The following RBM20 variants were observed in gnomAD, a reference collection of about 807,000 sequenced individuals.
The protein encoded by RBM20 is RNA binding motif protein 20.
In RBM20, 51 loss-of-function variants were observed where a neutral mutation model predicts 110.1. That is an observed-to-expected ratio of 0.46 (90% confidence interval 0.37 to 0.59). RBM20 has a LOEUF of 0.59. Ranked by LOEUF, RBM20 falls within the 20% of genes least tolerant of loss-of-function variation. The pLI is 0.00. For synonymous variants in RBM20, 589 were observed against 618.2 expected, an observed-to-expected ratio of 0.95 and a Z score of 0.70; for missense variants, 1,512 against 1,574.9, an observed-to-expected ratio of 0.96 and a Z score of 0.68.
At chr10:110,712,577 G>A (rs1862950579) in intron 1 of RBM20, among the ~76,000 whole-genome samples, 1 of 152,146 alleles carries the variant, frequency 6.6e-6, no homozygotes, top group South Asian at 2.1e-4. Context: ...GACCAGCCTG[G>A]CCAAAATGGT....
chr10:110,645,946 T>G (rs1296917503), intron 1 of RBM20, among the ~76,000 whole-genome samples: 1 of 152,266 alleles, frequency 6.6e-6, no homozygotes, highest in Admixed American at 6.5e-5. Context: ...CAGCCAATAC[T>G]AAATATGATT....
At chr10:110,726,780 A>C (rs1452263022) in intron 1 of RBM20, among the ~76,000 whole-genome samples, 6 of 152,216 alleles carry the variant, frequency 3.9e-5, no homozygotes, top group African/African-American at 1.4e-4. Flanking sequence ...TATTGCAGGA[A>C]AAAGATACAA....
rs961694613 is a variant in RBM20, at chr10:110,836,093, A to G, written c.*115A>G. 5.3e-6 allele frequency: 3 copies of G among 569,918 alleles called. No individual in the cohort carries two copies. In the African/African-American group the frequency reaches 5.7e-5, roughly 11 times the overall value. 35.3% of individuals were successfully genotyped at this position (569,918 alleles called of 1,614,324 possible). ...TAAAGCCTGAGAGGAAGGAAAACCA[A>G]GCAGGGCACATTGCTTGGGCTTGTT... is the stretch of plus-strand genomic sequence containing the variant. On this transcript the variant is annotated 3_prime_UTR_variant, in exon 14 of 14. Transcript: ENST00000369519.
chr10:110,816,373 A>G (rs1220824034), intron 9 of RBM20, among the ~76,000 whole-genome samples: 18 of 67,136 alleles, frequency 2.7e-4, no homozygotes, highest in African/African-American at 1.2e-3. Flanking sequence ...CCTCCCCACC[A>G]CTGCATACCA....
At chr10:110,804,441 CT>C (rs1844670376) in intron 7 of RBM20, among the ~76,000 whole-genome samples, 1 of 152,216 alleles carries the variant, frequency 6.6e-6, no homozygotes, top group Admixed American at 6.5e-5. Flanking sequence ...ATTCTGATTG[CT>C]CTTTCTCCTC....
intron 1 of RBM20, among the ~76,000 whole-genome samples, chr10:110,657,228 G>C (rs1590598903): frequency 6.6e-6 from 1 of 151,740 alleles, no homozygotes; most frequent in African/African-American, 2.4e-5. Flanking sequence ...TGTTAGCCAG[G>C]ATCATCTCGA....
rs138345374 is a variant in RBM20, at chr10:110,724,046, C to T, written c.192-56755C>T. Among the ~76,000 whole-genome samples the T allele has an allele frequency of 3.7e-3, 564 of 152,288 alleles. 2 individuals carry two copies. The highest frequency in any genetic ancestry group is 6.0e-3 in the Non-Finnish European group (408 of 68,016). ...CAGAAACTGAGGCTCAGAAAGGTTA[C>T]ATTACTAGCCAAAAGTTACCGGGTA... On this transcript the variant is annotated intron_variant, in intron 1 of 13. Coordinates refer to ENST00000369519, the MANE Select transcript of RBM20 (RefSeq NM_001134363.3).
chr10:110,689,149 C>T (rs73355054), intron 1 of RBM20, among the ~76,000 whole-genome samples: 33,749 of 152,110 alleles, frequency 0.22, 3,903 homozygotes, highest in East Asian at 0.33. Context: ...TCTTGAAAAC[C>T]ATCACCTGAT....
intron 1 of RBM20, among the ~76,000 whole-genome samples, chr10:110,732,803 A>G (rs1843632863): frequency 6.6e-6 from 1 of 152,112 alleles, no homozygotes; most frequent in Non-Finnish European, 1.5e-5. Flanking sequence ...ACCTCACTGG[A>G]AATCATTGAC....
intron 1 of RBM20, among the ~76,000 whole-genome samples, chr10:110,721,420 C>T (rs1374074429): frequency 6.6e-6 from 1 of 152,154 alleles, no homozygotes; most frequent in Non-Finnish European, 1.5e-5. Flanking sequence ...TCGGAGTGGG[C>T]AGTGTGAACA....
intron 1 of RBM20, among the ~76,000 whole-genome samples, chr10:110,736,527 A>C (rs758402382): frequency 4.6e-5 from 7 of 152,116 alleles, no homozygotes; most frequent in Non-Finnish European, 1.0e-4. Context: ...ATTTACCTTC[A>C]TCTTAAAAAA....
At chr10:110,761,032 G>A (rs1302497143) in intron 1 of RBM20, 1 of 148,332 alleles carries the variant, frequency 6.7e-6, no homozygotes, top group East Asian at 2.0e-4. Context: ...GGAAGGTGGA[G>A]GTTGCAGTAA....
At position 110,685,515 on chromosome 10, in the gene RBM20, G is replaced by A. The variant is rs1018181484; in HGVS notation, c.191+40870G>A. 1.3e-5 allele frequency among the ~76,000 whole-genome samples: 2 copies of A among 152,162 alleles called. 1 individual carries two copies. The highest frequency in any genetic ancestry group is 4.1e-4 in the South Asian group (2 of 4,832). On this transcript the variant is annotated intron_variant, in intron 1 of 13. Coordinates refer to ENST00000369519, the MANE Select transcript of RBM20 (RefSeq NM_001134363.3). ...CTAGATAGGAAGGAGACGATGGAAT[G>A]TATTTTTCTTTGCTATTTTGGTTAG...
intron 6 of RBM20, among the ~76,000 whole-genome samples, chr10:110,798,642 C>T (rs187432583): frequency 2.0e-4 from 31 of 152,288 alleles, no homozygotes; most frequent in South Asian, 8.3e-4. Flanking sequence ...ACTTCTTAGT[C>T]GCCCACGCTA....
chr10:110,672,347 A>C (rs1862273946), intron 1 of RBM20, among the ~76,000 whole-genome samples: 1 of 144,374 alleles, frequency 6.9e-6, no homozygotes, highest in Non-Finnish European at 1.5e-5. Flanking sequence ...CGAATAATTC[A>C]ACCCTCGTGT....
intron 1 of RBM20, among the ~76,000 whole-genome samples, chr10:110,711,223 G>C (rs1392588703): frequency 6.6e-6 from 1 of 151,322 alleles, no homozygotes; most frequent in South Asian, 2.1e-4. Context: ...CCAGCTGCTC[G>C]GGAGGCTGAG....
intron 1 of RBM20, among the ~76,000 whole-genome samples, chr10:110,730,935 G>C (rs1205031719): frequency 2.6e-5 from 4 of 152,174 alleles, no homozygotes; most frequent in Non-Finnish European, 5.9e-5. Flanking sequence ...TGCTTAGAGC[G>C]TGCACACAGC....
chr10:110,828,499 C>T (rs1003397143), intron 12 of RBM20, among the ~76,000 whole-genome samples: 1 of 152,138 alleles, frequency 6.6e-6, no homozygotes, highest in South Asian at 2.1e-4. Context: ...ACTGTGGAGC[C>T]GGGTTCCCCA....
chr10:110,780,260 C>T (rs550028112), intron 1 of RBM20, among the ~76,000 whole-genome samples: 11 of 152,234 alleles, frequency 7.2e-5, no homozygotes, highest in Admixed American at 2.0e-4. Flanking sequence ...AATCCCATCT[C>T]GCTATTGTTG....
Sources: gnomAD v4.1 joint callset for allele counts (sites outside exome capture counted in the v4.1 genomes callset) on GRCh38, gnomAD v4.1.1 for gene constraint, MANE v1.5 for transcripts, NCBI Gene and HGNC (gene_info 2026-07-23, HGNC 2026-07-21) for gene names.